The following ARHGAP17 variants were observed in gnomAD, a reference collection of about 807,000 sequenced individuals.
ARHGAP17 encodes the protein rho GTPase-activating protein 17.
A neutral mutation model predicts 99.5 loss-of-function variants in ARHGAP17; 57 were observed. That is an observed-to-expected ratio of 0.57 (90% CI 0.46 to 0.71). The LOEUF (loss-of-function observed/expected upper bound fraction) is 0.71. ARHGAP17 is among the 30% of genes least tolerant of loss of function. The pLI, the probability that ARHGAP17 is intolerant of heterozygous loss-of-function variation, is 0.00. For synonymous variants in ARHGAP17, 417 were observed against 429.6 expected (o/e 0.97, Z 0.36); for missense variants, 1,000 against 1,122.4 (o/e 0.89, Z 1.56).
chr16:24,977,501 T>C (rs111331462), intron 2 of ARHGAP17, 182 bp from the exon 3 acceptor site: 2 of 425,070 alleles, frequency 4.7e-6, no homozygotes, highest in Non-Finnish European at 8.3e-6. Flanking sequence ...AAGCACCAGG[T>C]TGGACCAGGC....
chr16:24,987,315 A>T (rs777350093), intron 1 of ARHGAP17, among the ~76,000 whole-genome samples: 4 of 152,226 alleles, frequency 2.6e-5, no homozygotes, highest in South Asian at 2.1e-4. Flanking sequence ...TCAAGTATTT[A>T]AAAATGCCAA....
chr16:25,010,370 C>G (rs1416428513), intron 1 of ARHGAP17, among the ~76,000 whole-genome samples: 1 of 152,098 alleles, frequency 6.6e-6, no homozygotes, highest in Admixed American at 6.6e-5. Flanking sequence ...CACCCCACCC[C>G]ACCCAGCCAG....
chr16:24,968,911 T>G, intron 4 of ARHGAP17, 139 bp from the exon 5 acceptor site: 1 of 712,712 alleles, frequency 1.4e-6, no homozygotes, highest in African/African-American at 1.8e-5. Flanking sequence ...ATTATAAATG[T>G]AGGGTACTGC....
chr16:24,931,532 G>A (rs2050992650), intron 18 of ARHGAP17, 128 bp from the exon 19 acceptor site: 1 of 905,656 alleles, frequency 1.1e-6, no homozygotes, highest in South Asian at 2.6e-5. Flanking sequence ...GATGAGAGGT[G>A]GTCAGGAGGG....
At chr16:24,979,913 G>C (rs576850769) in intron 1 of ARHGAP17, among the ~76,000 whole-genome samples, 1 of 152,286 alleles carries the variant, frequency 6.6e-6, no homozygotes, top group African/African-American at 2.4e-5. Flanking sequence ...GTTTTGCCAT[G>C]TTGGCCAGGC....
intron 1 of ARHGAP17, among the ~76,000 whole-genome samples, chr16:24,992,071 T>C (rs2053059154): frequency 6.6e-6 from 1 of 152,100 alleles, no homozygotes; most frequent in Admixed American, 6.5e-5. Flanking sequence ...GAGGAGTGTG[T>C]ACATAGTAGG....
intron 6 of ARHGAP17, among the ~76,000 whole-genome samples, chr16:24,966,861 CAT>C (rs2052201994): frequency 6.6e-6 from 1 of 152,168 alleles, no homozygotes; most frequent in South Asian, 2.1e-4. Flanking sequence ...CAAAGCAAGT[CAT>C]ATAGATAACA....
At chr16:24,952,417 A>G in intron 11 of ARHGAP17, 47 bp from the exon 12 acceptor site, 1 of 1,461,798 alleles carries the variant, frequency 6.8e-7, no homozygotes, top group African/African-American at 1.4e-5. Flanking sequence ...GGGTAAGGCT[A>G]GGAATCTTGG....
chr16:24,970,472 A>G, intron 4 of ARHGAP17, 35 bp downstream of exon 4: 2 of 1,599,858 alleles, frequency 1.3e-6, no homozygotes, highest in Non-Finnish European at 1.7e-6. Flanking sequence ...ACCAATCTAC[A>G]TGGCACTTGG....
At chr16:24,924,845 G>A (rs2050800517) in intron 19 of ARHGAP17, among the ~76,000 whole-genome samples, 1 of 151,478 alleles carries the variant, frequency 6.6e-6, no homozygotes, top group African/African-American at 2.4e-5. Flanking sequence ...TCTGAGCAAC[G>A]GGGTAAGACT....
At chr16:24,959,297 T>C (rs933207006) in intron 9 of ARHGAP17, among the ~76,000 whole-genome samples, 2 of 152,194 alleles carry the variant, frequency 1.3e-5, no homozygotes, top group African/African-American at 4.8e-5. Context: ...CTAGAATGGA[T>C]GCTCTTGGAG....
chr16:24,941,950 T>G (rs1186407564), intron 16 of ARHGAP17, 37 bp downstream of exon 16: 2 of 1,613,278 alleles, frequency 1.2e-6, no homozygotes, highest in Non-Finnish European at 1.7e-6. Flanking sequence ...TAACAACATA[T>G]TTACTGCTGG....
intron 14 of ARHGAP17, among the ~76,000 whole-genome samples, chr16:24,945,322 CA>C (rs199754502): frequency 2.2e-3 from 265 of 122,730 alleles, no homozygotes; most frequent in African/African-American, 5.4e-3. Context: ...GAACTTGTCT[CA>C]AAAAAAAAAA....
intron 17 of ARHGAP17, among the ~76,000 whole-genome samples, chr16:24,937,908 T>C (rs1055196528): frequency 6.6e-6 from 1 of 152,228 alleles, no homozygotes; most frequent in Non-Finnish European, 1.5e-5. Context: ...GTGTTGTGGA[T>C]GGCCAATGCA....
At chr16:24,980,040 A>T (rs1237663563) in intron 1 of ARHGAP17, among the ~76,000 whole-genome samples, 1 of 152,164 alleles carries the variant, frequency 6.6e-6, no homozygotes. Flanking sequence ...AGAAAGAAAA[A>T]GTATGTTTCA....
rs113628210 is a variant in ARHGAP17 at position 24,959,714 on chromosome 16, T to C, written c.681A>G (p.Leu227=). The C allele has an allele frequency of 1.2e-6, 2 of 1,614,168 alleles. No individual in the cohort carries two copies. The highest frequency in any genetic ancestry group is 1.7e-5 in the Admixed American group (1 of 60,020). ...EAQADYHRKA[L]AVLEKTLPEM... ...CGGGGAGGGTCTTTTCTAAGACTGC[T>C]AATGCTTTTCTATGGTAATCTGCTT... Residue 227 remains leucine (L), a synonymous_variant, in exon 9 of 20, where the codon TTA becomes TTG. Coordinates refer to ENST00000289968, the MANE Select transcript of ARHGAP17 (RefSeq NM_001006634.3).
At chr16:24,960,725 G>A (rs2051966035) in intron 7 of ARHGAP17, among the ~76,000 whole-genome samples, 1 of 150,308 alleles carries the variant, frequency 6.7e-6, no homozygotes, top group African/African-American at 2.4e-5. Context: ...GCTGAGGCAG[G>A]AGAATGGTGT....
intron 19 of ARHGAP17, among the ~76,000 whole-genome samples, chr16:24,930,138 G>A (rs1299004267): frequency 6.6e-6 from 1 of 152,222 alleles, no homozygotes; most frequent in Non-Finnish European, 1.5e-5. Context: ...ACTAAAACCT[G>A]TACAATCACC....
chr16:24,959,911 C>T lies in ARHGAP17; in HGVS notation c.642G>A (p.Thr214=), dbSNP rs375703622. Residue 214 remains threonine (T), a splice_region_variant and synonymous_variant, in exon 8 of 20, where the codon ACG becomes ACA. Coordinates refer to ENST00000289968, the MANE Select transcript of ARHGAP17 (RefSeq NM_001006634.3). ...CATTTTCTCAAGGGAAGGTGCTTAC[C>T]GTAACAAAGAATTTGCCATACTCCC... ...KEGEYGKFFV[T]LLEAQADYHR... 1.2e-5 allele frequency: 19 copies of T among 1,613,862 alleles called. No individual in the cohort carries two copies. Among genetic ancestry groups the T allele is most frequent in the African/African-American group, 4.0e-5 (3 of 74,984 alleles).
Sources: gnomAD v4.1 joint callset for allele counts (sites outside exome capture counted in the v4.1 genomes callset) on GRCh38, gnomAD v4.1.1 for gene constraint, MANE v1.5 for transcripts, NCBI Gene and HGNC (gene_info 2026-07-23, HGNC 2026-07-21) for gene names.